FLACC1: variants seen among roughly 807,000 people sequenced by gnomAD.
FLACC1 encodes the protein flagellum associated containing coiled-coil domains 1.
FLACC1 carries 66 observed loss-of-function variants against 62.8 expected under a neutral mutation model. The ratio of observed to expected loss-of-function variants is 1.05; its 90% CI spans 0.86 to 1.29. FLACC1 has a LOEUF of 1.29. FLACC1 is among the 50% of genes most tolerant of loss of function. The probability of loss-of-function intolerance (pLI) is 0.00; values close to 1 mark genes in which losing one functional copy is unlikely to be tolerated. For synonymous variants in FLACC1, 156 were observed against 161.0 expected (o/e 0.97, Z 0.24); for missense variants, 452 against 489.1 (o/e 0.92, Z 0.71).
chr2:201,340,198 A>AT (rs1010043101), intron 7 of FLACC1, among the ~76,000 whole-genome samples: 2 of 151,846 alleles, frequency 1.3e-5, no homozygotes, highest in African/African-American at 2.4e-5. Flanking sequence ...CACGCATTCT[A>AT]TTTTTTTTAA....
intron 9 of FLACC1, among the ~76,000 whole-genome samples, chr2:201,309,925 A>AAAAAAAAAAAAAAAG (rs764506462): frequency 1.2e-4 from 12 of 99,352 alleles, no homozygotes; most frequent in Non-Finnish European, 1.4e-4. Flanking sequence ...AAAAAAAAAA[A>AAAAAAAAAAAAAAAG]AAGAAGAAGA....
chr2:201,321,489 C>A (rs1383829426), intron 9 of FLACC1, among the ~76,000 whole-genome samples: 2 of 152,218 alleles, frequency 1.3e-5, no homozygotes, highest in South Asian at 2.1e-4. Flanking sequence ...GACAGACAAC[C>A]CCCCCACCCA....
chr2:201,349,983 G>A (rs570938878), intron 3 of FLACC1, among the ~76,000 whole-genome samples: 29 of 152,208 alleles, frequency 1.9e-4, no homozygotes, highest in Non-Finnish European at 3.7e-4. Context: ...AATCAAGGTC[G>A]ATTCTGGCAA....
At position 201,307,627 on chromosome 2, in the gene FLACC1, G is replaced by T; in HGVS notation, c.776-5C>A. The T allele has an allele frequency of 6.3e-7, 1 of 1,586,774 alleles. No individual in the cohort carries two copies. ...ATTTTTTGGTCATCTTTTTTTCTGT[G>T]GAAGTGACAGGAAAGCACATATATG... On this transcript the variant is annotated splice_polypyrimidine_tract_variant and splice_region_variant and intron_variant, in intron 10 of 14. Coordinates refer to ENST00000392257, the MANE Select transcript of FLACC1 (RefSeq NM_001127391.3).
At chr2:201,329,455 A>G (rs1285740159) in intron 9 of FLACC1, among the ~76,000 whole-genome samples, 1 of 152,216 alleles carries the variant, frequency 6.6e-6, no homozygotes, top group Non-Finnish European at 1.5e-5. Context: ...ATATATCCAA[A>G]AGAAAATAAA....
Position 201,355,209 on chromosome 2 carries a change from T to G in FLACC1, c.-48+1773A>C, listed in dbSNP as rs763823398. ...CTAAGGCAGGAGAATCACTTGAACC[T>G]GGGAGGTGGAGGTTGCAGTGAGCCG... On this transcript the variant is annotated intron_variant, in intron 1 of 14. Coordinates refer to ENST00000392257, the MANE Select transcript of FLACC1 (RefSeq NM_001127391.3). Among the ~76,000 whole-genome samples the G allele has an allele frequency of 1.1e-3, 166 of 151,768 alleles. 2 individuals are homozygous for G. The highest frequency in any genetic ancestry group is 1.7e-3 in the Admixed American group (26 of 15,248).
In FLACC1 at chr2:201,309,767, C is replaced by T. The variant is rs544077983; in HGVS notation, c.676-517G>A. Among the ~76,000 whole-genome samples, 10 of 151,422 alleles carry T rather than the reference C, an allele frequency of 6.6e-5. No individual in the cohort carries two copies. The East Asian group carries it at 1.6e-3, about 24-fold the overall frequency. ...ACTAAAAATACAAAAATTAGCTGGG[C>T]GTGGTGGCACACACCTGTAGTCCCA... On this transcript the variant is annotated intron_variant, in intron 9 of 14. Coordinates refer to ENST00000392257, the MANE Select transcript of FLACC1 (RefSeq NM_001127391.3).
At position 201,346,529 on chromosome 2, in the gene FLACC1, G is replaced by A. The variant is rs777847695; in HGVS notation, c.368+13C>T. ...TAGCCCCAAGCAGCTGCATGTTGCT[G>A]CAACAGCATTACCTGGAAAATCTGC... is the stretch of plus-strand genomic sequence containing the variant. On this transcript the variant is annotated intron_variant, in intron 5 of 14. Transcript: ENST00000392257. The surrounding 1 kb of genome is among the most constrained non-coding windows in gnomAD (Gnocchi z 4.0). The A allele has an allele frequency of 1.9e-6, 3 of 1,613,004 alleles. No individual in the cohort carries two copies. Among genetic ancestry groups the A allele is most frequent in the Non-Finnish European group, 2.5e-6 (3 of 1,179,862 alleles).
chr2:201,307,537 G>A lies in FLACC1; in HGVS notation c.861C>T (p.Asn287=). Residue 287 remains asparagine (N), a synonymous_variant, in exon 11 of 15, where the codon AAC becomes AAT. Transcript: ENST00000392257. Reference sequence around the variant, plus strand: ...GAGTTACCTCCTTCTCTTGAATGAAGTTCTCAAAGACAGCACTGCAGGATT... The same window carrying A: ...GAGTTACCTCCTTCTCTTGAATGAAATTCTCAAAGACAGCACTGCAGGATT... ...INESCSAVFE[N]FIQEKEELLK... is the part of the protein sequence containing the mutation. 1 of 1,614,040 alleles carries A rather than the reference G, an allele frequency of 6.2e-7. No individual in the cohort carries two copies. The highest frequency in any genetic ancestry group is 2.2e-5 in the East Asian group (1 of 44,882).
At chr2:201,300,188 G>A (rs1949948588) in intron 11 of FLACC1, among the ~76,000 whole-genome samples, 1 of 152,202 alleles carries the variant, frequency 6.6e-6, no homozygotes. Context: ...GGGAAGCCGT[G>A]ACAGACGGCA....
intron 3 of FLACC1, among the ~76,000 whole-genome samples, chr2:201,350,350 G>A (rs909823581): frequency 1.1e-4 from 17 of 151,754 alleles, no homozygotes; most frequent in African/African-American, 3.1e-4. Flanking sequence ...GCACCACTGC[G>A]CTCCAGCCTG....
At chr2:201,297,683 G>C (rs58659663) in intron 12 of FLACC1, among the ~76,000 whole-genome samples, 13,888 of 152,162 alleles carry the variant, frequency 0.091, 972 homozygotes, top group South Asian at 0.26. Flanking sequence ...TCAGGTTGAG[G>C]TGTAAAGGGG....
chr2:201,316,561 A>G lies in FLACC1; in HGVS notation c.676-7311T>C, dbSNP rs114331929. ...TAACAAGCAGTGAGATTGGAATGATAATTAAAAAATTACCTACACAAAAAA... is the reference window on the plus strand; with the variant it reads ...TAACAAGCAGTGAGATTGGAATGATGATTAAAAAATTACCTACACAAAAAA... On this transcript the variant is annotated intron_variant, in intron 9 of 14. Transcript: ENST00000392257. 3.2e-3 allele frequency among the ~76,000 whole-genome samples: 490 copies of G among 152,276 alleles called. 1 individual carries two copies. The highest frequency in any genetic ancestry group is 0.011 in the African/African-American group (459 of 41,560).
chr2:201,347,803 A>T (rs536677639), intron 4 of FLACC1, among the ~76,000 whole-genome samples: 77 of 152,210 alleles, frequency 5.1e-4, no homozygotes, highest in Admixed American at 7.8e-4. Flanking sequence ...TCGGGCCCAC[A>T]CTCCCAGGCA....
intron 9 of FLACC1, among the ~76,000 whole-genome samples, chr2:201,313,735 C>A (rs1950259907): frequency 6.6e-6 from 1 of 152,184 alleles, no homozygotes; most frequent in African/African-American, 2.4e-5. Context: ...AAAGCATCAT[C>A]TCCTGGCAGG....
At chr2:201,311,479 T>C (rs1291005361) in intron 9 of FLACC1, among the ~76,000 whole-genome samples, 1 of 151,932 alleles carries the variant, frequency 6.6e-6, no homozygotes, top group Non-Finnish European at 1.5e-5. Flanking sequence ...CCCAGCACTA[T>C]GGGAGGTTGA....
At chr2:201,316,919 C>T (rs540352817) in intron 9 of FLACC1, among the ~76,000 whole-genome samples, 1 of 152,156 alleles carries the variant, frequency 6.6e-6, no homozygotes, top group East Asian at 1.9e-4. Flanking sequence ...AAATGTGATA[C>T]ACAACATAAA....
At chr2:201,313,647 G>C (rs1236919542) in intron 9 of FLACC1, among the ~76,000 whole-genome samples, 1 of 152,100 alleles carries the variant, frequency 6.6e-6, no homozygotes, top group African/African-American at 2.4e-5. Flanking sequence ...TGAAGACAAA[G>C]GGCATATACT....
intron 7 of FLACC1, among the ~76,000 whole-genome samples, chr2:201,342,122 T>C (rs1287901137): frequency 6.6e-6 from 1 of 152,146 alleles, no homozygotes; most frequent in African/African-American, 2.4e-5. Context: ...AAAGGGAGAT[T>C]ATAATTGAAA....
Sources: gnomAD v4.1 joint callset for allele counts (sites outside exome capture counted in the v4.1 genomes callset) on GRCh38, gnomAD v4.1.1 for gene constraint, Gnocchi (gnomAD v3.1) non-coding constraint, MANE v1.5 for transcripts, NCBI Gene and HGNC (gene_info 2026-07-23, HGNC 2026-07-21) for gene names.